Variants in DENND5A observed in about 807,000 individuals in gnomAD.
The protein encoded by DENND5A is DENN domain containing 5A, also known as DENN domain-containing protein 5A.
In DENND5A, 64 loss-of-function variants were observed where a neutral mutation model predicts 140.3. The observed-to-expected ratio is 0.46, with a 90% CI of 0.37 to 0.56. The LOEUF (loss-of-function observed/expected upper bound fraction) is 0.56. Among genes scored for constraint, DENND5A ranks in the 20% least tolerant of loss-of-function variants. The pLI is 0.00. For missense variants in DENND5A, 1,292 were observed against 1,593.8 expected (o/e 0.81, Z 3.22); for synonymous variants, 605 against 607.7 (o/e 1.00, Z 0.07).
intron 22 of DENND5A, 22 bp from the exon 23 acceptor site, chr11:9,139,876 A>T: frequency 1.2e-6 from 2 of 1,611,496 alleles, no homozygotes; most frequent in Non-Finnish European, 1.7e-6. Flanking sequence ...GGAGCAGTCC[A>T]GGCAGGTCAG....
Position 9,147,147 on chromosome 11 carries a change from ACTTT to A in DENND5A, c.2736_2739del (p.Lys912AsnfsTer41), listed in dbSNP as rs1398097785. ...CGCAGGAAGGCATAGCGCTTATATA[ACTTT>A]CTGTTGGAGAGGAGGTAATACATCA... is the stretch of plus-strand genomic sequence containing the variant. On this transcript the variant is annotated frameshift_variant and splice_region_variant, in exon 16 of 23. Coordinates refer to ENST00000328194, the MANE Select transcript of DENND5A (RefSeq NM_015213.4). LOFTEE classifies it high-confidence loss of function. The A allele has an allele frequency of 6.2e-7, 1 of 1,613,990 alleles. No homozygotes were observed. The highest frequency in any genetic ancestry group is 1.1e-5 in the South Asian group (1 of 91,046).
chr11:9,221,736 T>C lies in DENND5A; in HGVS notation c.110-14104A>G, dbSNP rs563711302. Among the ~76,000 whole-genome samples the C allele has an allele frequency of 3.4e-5, 5 of 148,706 alleles. No individual in the cohort carries two copies. In the Admixed American group the frequency reaches 3.5e-4, roughly 10 times the overall value. ...AATTGCCAATAATGTCTTCAACTAA[T>C]TGAGAATTTTGTTGTTGTTGTTGTT... On this transcript the variant is annotated intron_variant, in intron 1 of 22. Transcript: ENST00000328194.
chr11:9,181,093 C>A lies in DENND5A; in HGVS notation c.1138-9G>T. On this transcript the variant is annotated splice_polypyrimidine_tract_variant and intron_variant, in intron 5 of 22. Transcript: ENST00000328194. ...ACAAAGCAGAGGTTAGCCTGGAAGT[C>A]AAAACAGGATGAGGAGTATGAATAA... 6.2e-7 allele frequency: 1 copy of A among 1,608,818 alleles called. No individual in the cohort carries two copies. Among genetic ancestry groups the A allele is most frequent in the South Asian group, 1.1e-5 (1 of 90,302 alleles).
chr11:9,200,240 T>C (rs1040221003), intron 4 of DENND5A, among the ~76,000 whole-genome samples: 1 of 152,246 alleles, frequency 6.6e-6, no homozygotes, highest in African/African-American at 2.4e-5. Context: ...CTATATAGTT[T>C]GGTTTCCTCC....
chr11:9,229,652 A>G (rs1159203494), intron 1 of DENND5A, among the ~76,000 whole-genome samples: 2 of 151,966 alleles, frequency 1.3e-5, no homozygotes, highest in African/African-American at 2.4e-5. Flanking sequence ...TTCCTTGAAG[A>G]CCCTCAGCTC....
chr11:9,160,562 C>A, intron 12 of DENND5A, 151 bp downstream of exon 12: 1 of 567,112 alleles, frequency 1.8e-6, no homozygotes, highest in Non-Finnish European at 2.9e-6. Flanking sequence ...GTTTGGATCA[C>A]ATTTATTTAA....
chr11:9,241,586 T>C (rs985764237), intron 1 of DENND5A, among the ~76,000 whole-genome samples: 2 of 152,210 alleles, frequency 1.3e-5, no homozygotes, highest in African/African-American at 4.8e-5. Context: ...TCCTAGCTTA[T>C]GGCCCTCGCA....
rs376721888 is a variant in DENND5A, at chr11:9,179,053, G to A, written c.1476C>T (p.Pro492=). The change falls in exon 7 of 23, where the codon CCC becomes CCT. Residue 492 remains proline (P), a synonymous_variant. Transcript: ENST00000328194. ...GAACTTTGAGATCCTTATTGCTGCT[G>A]GGGTCTTCACGCACTTCCAACTACA... is the stretch of plus-strand genomic sequence containing the variant. ...SLEKLEVRED[P]SSNKDLKVQC... The A allele has an allele frequency of 2.2e-5, 35 of 1,613,904 alleles. No homozygotes were observed. The highest frequency in any genetic ancestry group is 5.3e-5 in the African/African-American group (4 of 74,896).
chr11:9,179,508 T>C (rs1848655683), intron 6 of DENND5A, among the ~76,000 whole-genome samples: 1 of 151,814 alleles, frequency 6.6e-6, no homozygotes, highest in Non-Finnish European at 1.5e-5. Context: ...ACCTTTTTTT[T>C]TTTTTTTTGA....
At chr11:9,254,175 A>G (rs932010382) in intron 1 of DENND5A, among the ~76,000 whole-genome samples, 2 of 151,188 alleles carry the variant, frequency 1.3e-5, no homozygotes, top group African/African-American at 4.9e-5. Context: ...AAAAAAAAAA[A>G]AAAAGCCAGG....
intron 1 of DENND5A, among the ~76,000 whole-genome samples, chr11:9,234,821 T>C (rs1031992832): frequency 7.2e-5 from 11 of 152,216 alleles, no homozygotes; most frequent in African/African-American, 2.7e-4. Context: ...CTAGTTAATC[T>C]ATAACCTACA....
intron 1 of DENND5A, among the ~76,000 whole-genome samples, chr11:9,234,322 CA>C (rs1554931939): frequency 1.3e-5 from 2 of 151,782 alleles, no homozygotes; most frequent in South Asian, 2.1e-4. Context: ...ATCCCCCCCC[CA>C]AAAAAATGAG....
intron 1 of DENND5A, among the ~76,000 whole-genome samples, chr11:9,252,350 G>C (rs1851765365): frequency 7.0e-6 from 1 of 142,956 alleles, no homozygotes; most frequent in South Asian, 2.3e-4. Flanking sequence ...AATAGCCTGT[G>C]TTTAATTACT....
At chr11:9,151,221 T>C (rs1308006516) in intron 13 of DENND5A, among the ~76,000 whole-genome samples, 1 of 152,164 alleles carries the variant, frequency 6.6e-6, no homozygotes, top group East Asian at 1.9e-4. Context: ...AGAGAATATA[T>C]AAAGAACAAG....
At chr11:9,237,935 G>T (rs1376878737) in intron 1 of DENND5A, among the ~76,000 whole-genome samples, 1 of 152,106 alleles carries the variant, frequency 6.6e-6, no homozygotes, top group Non-Finnish European at 1.5e-5. Context: ...AGCAATTAAT[G>T]CTCCAGAAAA....
At chr11:9,174,516 C>CTT (rs575928246) in intron 8 of DENND5A, among the ~76,000 whole-genome samples, 30,072 of 133,582 alleles carry the variant, frequency 0.23, 4,021 homozygotes, top group Non-Finnish European at 0.32. Flanking sequence ...AAGGTTATTT[C>CTT]TTTTTTTTTT....
chr11:9,186,795 A>C (rs1053783483), intron 5 of DENND5A, among the ~76,000 whole-genome samples: 3 of 152,152 alleles, frequency 2.0e-5, no homozygotes, highest in African/African-American at 7.2e-5. Flanking sequence ...CTGAGTTTTA[A>C]AAGAGCCGGG....
At chr11:9,153,741 T>A (rs959997008) in intron 12 of DENND5A, among the ~76,000 whole-genome samples, 1 of 152,222 alleles carries the variant, frequency 6.6e-6, no homozygotes, top group Admixed American at 6.5e-5. Context: ...GGTACTTAAC[T>A]GCATGGCTGA....
intron 5 of DENND5A, among the ~76,000 whole-genome samples, chr11:9,183,199 T>C (rs543571352): frequency 7.1e-4 from 108 of 152,342 alleles, no homozygotes; most frequent in Admixed American, 1.2e-3. Context: ...CAAGACAACA[T>C]TGCCTTCATT....
Sources: allele counts gnomAD v4.1 joint callset (sites outside exome capture counted in the v4.1 genomes callset), GRCh38; gene constraint gnomAD v4.1.1; transcripts MANE v1.5; gene names NCBI Gene and HGNC (gene_info 2026-07-23, HGNC 2026-07-21).